Variants in UBE2E2 observed in about 807,000 individuals in gnomAD.
The protein encoded by UBE2E2 is ubiquitin-conjugating enzyme E2 E2.
In UBE2E2, 6 loss-of-function variants were observed where a neutral mutation model predicts 24.7. That is an observed-to-expected ratio of 0.24 (90% CI 0.13 to 0.48). The LOEUF (loss-of-function observed/expected upper bound fraction) is 0.48, where lower values mean the gene tolerates loss of function less well. Among genes scored for constraint, UBE2E2 ranks in the 20% least tolerant of loss-of-function variants. The probability of loss-of-function intolerance (pLI) is 0.99; values close to 1 mark genes in which losing one functional copy is unlikely to be tolerated. For synonymous variants in UBE2E2, 104 were observed against 83.6 expected (o/e 1.24, Z -1.33); for missense variants, 169 against 245.0 (o/e 0.69, Z 2.07).
At chr3:23,262,725 T>C (rs1025875151) in intron 3 of UBE2E2, among the ~76,000 whole-genome samples, 27 of 152,226 alleles carry the variant, frequency 1.8e-4, no homozygotes, top group African/African-American at 6.3e-4. Flanking sequence ...CTTTTCATTT[T>C]GTTGATTGGT....
chr3:23,434,008 A>G (rs1378205532), intron 3 of UBE2E2, among the ~76,000 whole-genome samples: 1 of 152,130 alleles, frequency 6.6e-6, no homozygotes, highest in African/African-American at 2.4e-5. Context: ...TTTTATTTGA[A>G]CATACAAATA....
intron 4 of UBE2E2, among the ~76,000 whole-genome samples, chr3:23,504,526 A>C (rs984949687): frequency 6.6e-6 from 1 of 151,502 alleles, no homozygotes; most frequent in African/African-American, 2.4e-5. Flanking sequence ...CGTGCTCCAG[A>C]AAAATTCTAT....
chr3:23,589,686 C>T lies in UBE2E2; in HGVS notation c.509-48C>T. Reference sequence around the variant, plus strand: ...TTGCCAGCTTTCTGAACACTTCTTCCCCCACAGTGCTGGTATTTACTGACT... The same window carrying T: ...TTGCCAGCTTTCTGAACACTTCTTCTCCCACAGTGCTGGTATTTACTGACT... On this transcript the variant is annotated intron_variant, in intron 5 of 5. Transcript: ENST00000396703. The surrounding 1 kb of genome is among the most constrained non-coding windows in gnomAD (Gnocchi z 4.1). 1 of 1,592,492 alleles carries T rather than the reference C, an allele frequency of 6.3e-7. No homozygotes were observed. Among genetic ancestry groups the T allele is most frequent in the Non-Finnish European group, 8.6e-7 (1 of 1,161,810 alleles).
chr3:23,427,415 A>G (rs1045468574), intron 3 of UBE2E2, among the ~76,000 whole-genome samples: 2 of 152,168 alleles, frequency 1.3e-5, no homozygotes, highest in African/African-American at 2.4e-5. Context: ...AAAAAAAAGT[A>G]TAACTGATAA....
intron 3 of UBE2E2, among the ~76,000 whole-genome samples, chr3:23,270,152 CTTTTTT>C (rs71051207): frequency 5.0e-5 from 5 of 100,718 alleles, no homozygotes; most frequent in Admixed American, 3.2e-4. Flanking sequence ...CCCCCTCCTC[CTTTTTT>C]TTTTTTTTTT....
rs552400062 is a variant in UBE2E2, at chr3:23,578,226, A to G, written c.509-11508A>G. ...TTAGAGAAATGCAAATTAAACCACA[A>G]TGAGATATCATCTCATGCCAGTCAG... On this transcript the variant is annotated intron_variant, in intron 5 of 5. Transcript: ENST00000396703. Among the ~76,000 whole-genome samples, 8 of 152,336 alleles carry G rather than the reference A, an allele frequency of 5.3e-5. No individual in the cohort carries two copies. In the South Asian group the frequency reaches 1.2e-3, roughly 24 times the overall value.
At chr3:23,322,804 T>G (rs57869672) in intron 3 of UBE2E2, among the ~76,000 whole-genome samples, 2 of 151,704 alleles carry the variant, frequency 1.3e-5, no homozygotes, top group Non-Finnish European at 2.9e-5. Flanking sequence ...AAATACAGTG[T>G]ATTTTCTCTA....
chr3:23,402,482 G>A (rs35901544), intron 3 of UBE2E2, among the ~76,000 whole-genome samples: 23,344 of 152,070 alleles, frequency 0.15, 1,967 homozygotes, highest in South Asian at 0.22. Flanking sequence ...TGAGTGTCAG[G>A]GTTGATTAAA....
chr3:23,497,392 T>A (rs995967296), intron 3 of UBE2E2, among the ~76,000 whole-genome samples: 1 of 152,242 alleles, frequency 6.6e-6, no homozygotes, highest in Non-Finnish European at 1.5e-5. Context: ...AGATGATTTT[T>A]GTCACGTGGC....
Position 23,499,689 on chromosome 3 carries a change from G to A in UBE2E2, c.309G>A (p.Val103=), listed in dbSNP as rs1177427318. The A allele has an allele frequency of 6.2e-7, 1 of 1,613,890 alleles. No individual in the cohort carries two copies. Among genetic ancestry groups the A allele is most frequent in the Non-Finnish European group, 8.5e-7 (1 of 1,179,886 alleles). ...CAGGATCTGTCTATGAAGGAGGGGT[G>A]TTCTTTCTTGACATTACCTTTTCAC... ...GPPGSVYEGG[V]FFLDITFSPD... is the part of the protein sequence containing the mutation. The change falls in exon 4 of 6, where the codon GTG becomes GTA. Residue 103 remains valine, a synonymous_variant. Transcript: ENST00000396703.
At position 23,588,388 on chromosome 3, in the gene UBE2E2, CTTTTTGTT is replaced by C. The variant is rs1336384393; in HGVS notation, c.509-1324_509-1317del. Among the ~76,000 whole-genome samples, 97 of 142,968 alleles carry C rather than the reference CTTTTTGTT, an allele frequency of 6.8e-4. 1 individual carries two copies. The South Asian group carries it at 9.4e-3, about 14-fold the overall frequency. 93.8% of individuals were successfully genotyped at this position (142,968 alleles called of 152,430 possible). ...AGTTACTTTTTTTTTAATTGCTTTGCTTTTTGTTTTTTTGTTTTTTTGTTTTTTTTTTT... is the reference window on the plus strand; with the variant it reads ...AGTTACTTTTTTTTTAATTGCTTTGCTTTTTGTTTTTTTGTTTTTTTTTTT... On this transcript the variant is annotated intron_variant, in intron 5 of 5. Transcript: ENST00000396703.
chr3:23,343,396 T>G (rs1040185759), intron 3 of UBE2E2, among the ~76,000 whole-genome samples: 1 of 152,022 alleles, frequency 6.6e-6, no homozygotes, highest in African/African-American at 2.4e-5. Context: ...GCCAACATGA[T>G]GAAGCCACAT....
intron 2 of UBE2E2, among the ~76,000 whole-genome samples, chr3:23,215,572 A>G (rs1696453716): frequency 6.6e-6 from 1 of 151,832 alleles, no homozygotes; most frequent in South Asian, 2.1e-4. Flanking sequence ...ACTTCCCCCT[A>G]TGCCCCTTTA....
chr3:23,235,269 T>C (rs924700024), intron 3 of UBE2E2, among the ~76,000 whole-genome samples: 2 of 152,112 alleles, frequency 1.3e-5, no homozygotes, highest in Non-Finnish European at 2.9e-5. Context: ...TAGTTTTATT[T>C]TGGGTTGAGA....
intron 3 of UBE2E2, among the ~76,000 whole-genome samples, chr3:23,458,706 C>T (rs1171690974): frequency 2.0e-5 from 3 of 152,018 alleles, no homozygotes; most frequent in Admixed American, 6.5e-5. Flanking sequence ...TGTGAGCCAC[C>T]GCGCCTGGCC....
At chr3:23,338,909 G>A (rs1695291376) in intron 3 of UBE2E2, among the ~76,000 whole-genome samples, 1 of 152,044 alleles carries the variant, frequency 6.6e-6, no homozygotes, top group East Asian at 1.9e-4. Context: ...AATTGTTTTA[G>A]GTGAGAACAG....
chr3:23,407,843 C>A lies in UBE2E2; in HGVS notation c.228-91765C>A, dbSNP rs897408065. 6.6e-6 allele frequency among the ~76,000 whole-genome samples: 1 copy of A among 152,034 alleles called. No homozygotes were observed. Among genetic ancestry groups the A allele is most frequent in the Non-Finnish European group, 1.5e-5 (1 of 68,022 alleles). The stretch of plus-strand genomic sequence containing the variant: ...AATAATATAGGAAATATAAAAAATT[C>A]TGTTTCCCAAAGATTTCTGATTCTG... On this transcript the variant is annotated intron_variant, in intron 3 of 5. Coordinates refer to ENST00000396703, the MANE Select transcript of UBE2E2 (RefSeq NM_152653.4). This position sits in a 1 kb window ranked among gnomAD's most constrained non-coding sequence, Gnocchi z 4.0.
chr3:23,430,060 A>G (rs1187210115), intron 3 of UBE2E2, among the ~76,000 whole-genome samples: 1 of 152,078 alleles, frequency 6.6e-6, no homozygotes, highest in Non-Finnish European at 1.5e-5. Flanking sequence ...GAACATTTTT[A>G]TTAATCATGG....
At position 23,407,655 on chromosome 3, in the gene UBE2E2, G is replaced by A. The variant is rs959898955; in HGVS notation, c.228-91953G>A. Among the ~76,000 whole-genome samples the A allele has an allele frequency of 4.1e-5, 6 of 144,676 alleles. No homozygotes were observed. The highest frequency in any genetic ancestry group is 9.2e-5 in the Non-Finnish European group (6 of 65,510). The allele number at this position is 144,676 out of a possible 152,430, so 94.9% of individuals were successfully genotyped here. ...TGTGTGTGCATGCGTGCATGTGTGT[G>A]TGTGTGTGTGTGTGTGTGTGTGTGT... is the stretch of plus-strand genomic sequence containing the variant. On this transcript the variant is annotated intron_variant, in intron 3 of 5. Transcript: ENST00000396703. This position sits in a 1 kb window ranked among gnomAD's most constrained non-coding sequence, Gnocchi z 4.0.
Sources: allele counts gnomAD v4.1 joint callset (sites outside exome capture counted in the v4.1 genomes callset), GRCh38; gene constraint gnomAD v4.1.1; non-coding constraint Gnocchi (gnomAD v3.1); transcripts MANE v1.5; gene names NCBI Gene and HGNC (gene_info 2026-07-23, HGNC 2026-07-21).